PDE5A: variants seen among roughly 807,000 people sequenced by gnomAD.
The protein encoded by PDE5A is cGMP-specific 3',5'-cyclic phosphodiesterase.
A neutral mutation model predicts 110.2 loss-of-function variants in PDE5A; 67 were observed. The ratio of observed to expected loss-of-function variants is 0.61; its 90% CI spans 0.50 to 0.75. The LOEUF (loss-of-function observed/expected upper bound fraction) is 0.75. Ranked by LOEUF, PDE5A falls within the 30% of genes least tolerant of loss-of-function variation. The pLI is 0.00. For synonymous variants in PDE5A, 328 were observed against 351.2 expected (o/e 0.93, Z 0.74); for missense variants, 862 against 1,045.1 (o/e 0.82, Z 2.42).
chr4:119,506,454 G>A (rs114554681), intron 16 of PDE5A, among the ~76,000 whole-genome samples: 3,868 of 151,734 alleles, frequency 0.025, 78 homozygotes, highest in Middle Eastern at 0.078. Context: ...CTCTTTATGT[G>A]CCCAGTATTG....
Position 119,496,746 on chromosome 4 carries a change from T to G in PDE5A, c.*1855A>C, listed in dbSNP as rs199540639. On this transcript the variant is annotated 3_prime_UTR_variant, in exon 21 of 21. Transcript: ENST00000354960. Reference sequence around the variant, plus strand: ...TACACCTGTATGTATATATAACTATTATTTTAGTGATAGTCTGTGTATTTT... The same window carrying G: ...TACACCTGTATGTATATATAACTATGATTTTAGTGATAGTCTGTGTATTTT... 1.3e-5 allele frequency: 2 copies of G among 152,580 alleles called. No homozygotes were observed. The highest frequency in any genetic ancestry group is 3.2e-3 in the Middle Eastern group (1 of 316). 9.5% of individuals were successfully genotyped at this position (152,580 alleles called of 1,614,324 possible). A position where few individuals can be genotyped will look rare whatever the true frequency, so the allele number is the denominator to read the frequency against.
chr4:119,587,908 T>C (rs1464691607), intron 3 of PDE5A, among the ~76,000 whole-genome samples: 1 of 152,190 alleles, frequency 6.6e-6, no homozygotes, highest in East Asian at 1.9e-4. Context: ...GTGTGAGAGA[T>C]CATAGACAAG....
chr4:119,552,992 G>A (rs553839265), intron 8 of PDE5A, among the ~76,000 whole-genome samples: 11 of 152,072 alleles, frequency 7.2e-5, no homozygotes, highest in Admixed American at 3.3e-4. Flanking sequence ...GAATCTAAAC[G>A]CCACCTAAAA....
intron 15 of PDE5A, among the ~76,000 whole-genome samples, chr4:119,509,228 C>T (rs748136900): frequency 2.0e-5 from 3 of 151,966 alleles, no homozygotes; most frequent in Non-Finnish European, 4.4e-5. Flanking sequence ...CAAACTAAAC[C>T]AAGAATTGGT....
At chr4:119,499,235 G>A (rs946407640) in intron 20 of PDE5A, among the ~76,000 whole-genome samples, 1 of 152,104 alleles carries the variant, frequency 6.6e-6, no homozygotes, top group African/African-American at 2.4e-5. Flanking sequence ...CCACCAGAAT[G>A]TTCATTTCAG....
intron 1 of PDE5A, among the ~76,000 whole-genome samples, chr4:119,613,181 A>T (rs904532654): frequency 5.3e-5 from 8 of 152,302 alleles, no homozygotes; most frequent in Non-Finnish European, 1.2e-4. Flanking sequence ...CTCTGTTACA[A>T]TTTATTTAAC....
chr4:119,590,337 C>A (rs184922488), intron 3 of PDE5A, among the ~76,000 whole-genome samples: 2 of 152,142 alleles, frequency 1.3e-5, no homozygotes, highest in Non-Finnish European at 2.9e-5. Flanking sequence ...AACTCCTACC[C>A]CATACTCCTC....
At chr4:119,546,380 C>G (rs1727129760) in intron 9 of PDE5A, among the ~76,000 whole-genome samples, 1 of 151,814 alleles carries the variant, frequency 6.6e-6, no homozygotes, top group Non-Finnish European at 1.5e-5. Context: ...TGAAATATAC[C>G]CTACTCTGTT....
chr4:119,618,653 G>A (rs1730028603), intron 1 of PDE5A, among the ~76,000 whole-genome samples: 2 of 150,950 alleles, frequency 1.3e-5, no homozygotes, highest in Non-Finnish European at 3.0e-5. Context: ...TTATAGATTT[G>A]GGGACTATTT....
At chr4:119,572,621 C>T (rs879273578) in intron 3 of PDE5A, among the ~76,000 whole-genome samples, 2 of 152,186 alleles carry the variant, frequency 1.3e-5, no homozygotes, top group Non-Finnish European at 2.9e-5. Context: ...AAGAATGAGA[C>T]AGTAAACATC....
chr4:119,501,779 C>A (rs1008829473), intron 19 of PDE5A, among the ~76,000 whole-genome samples: 3 of 152,170 alleles, frequency 2.0e-5, no homozygotes, highest in Non-Finnish European at 4.4e-5. Context: ...GAGATCCATA[C>A]TCTATGTAAA....
At chr4:119,528,055 A>G (rs1282312166) in intron 11 of PDE5A, among the ~76,000 whole-genome samples, 1 of 52,868 alleles carries the variant, frequency 1.9e-5, no homozygotes, top group Non-Finnish European at 5.4e-5. Flanking sequence ...ATGGAATGCA[A>G]AAAAAAAATA....
intron 11 of PDE5A, among the ~76,000 whole-genome samples, chr4:119,533,914 A>C (rs1473634846): frequency 1.3e-5 from 2 of 152,286 alleles, no homozygotes; most frequent in African/African-American, 4.8e-5. Context: ...CACTAAAACT[A>C]TGGTGTTTAG....
At chr4:119,504,113 T>C (rs951566186) in intron 18 of PDE5A, among the ~76,000 whole-genome samples, 1 of 152,022 alleles carries the variant, frequency 6.6e-6, no homozygotes, top group Non-Finnish European at 1.5e-5. Context: ...CCTTTCCCCC[T>C]TTTGGAGTCC....
At chr4:119,594,841 A>T (rs1200447404) in intron 3 of PDE5A, among the ~76,000 whole-genome samples, 4 of 152,202 alleles carry the variant, frequency 2.6e-5, no homozygotes, top group Admixed American at 2.0e-4. Flanking sequence ...AGACCCAGGT[A>T]ATCATCAACT....
At chr4:119,588,183 T>TG (rs1728833221) in intron 3 of PDE5A, among the ~76,000 whole-genome samples, 1 of 150,506 alleles carries the variant, frequency 6.6e-6, no homozygotes, top group Admixed American at 6.6e-5. Context: ...TTTTTTTTTT[T>TG]TTTTTGAGAC....
chr4:119,559,575 T>C lies in PDE5A; in HGVS notation c.1199+721A>G, dbSNP rs3775855. On this transcript the variant is annotated intron_variant, in intron 7 of 20. Coordinates refer to ENST00000354960, the MANE Select transcript of PDE5A (RefSeq NM_001083.4). ...ACATATGTCCTACCTAGAAACTTTC[T>C]AAAATCTTCTTTCCAAAAAGGAAAA... Among the ~76,000 whole-genome samples, 18 of 152,256 alleles carry C rather than the reference T, an allele frequency of 1.2e-4. No individual in the cohort carries two copies. The East Asian group carries it at 3.5e-3, about 29-fold the overall frequency.
chr4:119,588,528 TAA>T (rs35632964), intron 3 of PDE5A, among the ~76,000 whole-genome samples: 62,520 of 139,730 alleles, frequency 0.45, 13,913 homozygotes, highest in South Asian at 0.63. Flanking sequence ...TTTGCTTCAT[TAA>T]AAAAAAAAAA....
chr4:119,560,305 G>A lies in PDE5A; in HGVS notation c.1190C>T (p.Thr397Ile), dbSNP rs754087237. 1 of 1,575,072 alleles carries A rather than the reference G, an allele frequency of 6.3e-7. No individual in the cohort carries two copies. The highest frequency in any genetic ancestry group is 8.7e-7 in the Non-Finnish European group (1 of 1,155,674). The change falls in exon 7 of 21, where the codon ACA becomes ATA. Residue 397 changes from threonine to isoleucine, a missense_variant. Thr to Ile is a moderately conservative substitution (Grantham distance 89, BLOSUM62 -1). Transcript: ENST00000354960. ...ECEELEKSSD[T>I]LTREHDANKI... The stretch of plus-strand genomic sequence containing the variant: ...GAATACGTGCTTTTACCTTGTTAAT[G>A]TATCAGATGATTTTTCTAATTCCTC...
Sources: allele counts gnomAD v4.1 joint callset (sites outside exome capture counted in the v4.1 genomes callset), GRCh38; gene constraint gnomAD v4.1.1; transcripts MANE v1.5; gene names NCBI Gene and HGNC (gene_info 2026-07-23, HGNC 2026-07-21).